Variants in MCUR1 observed in about 807,000 individuals in gnomAD.
The protein encoded by MCUR1 is mitochondrial calcium uniporter regulator 1, also known as MCU regulator 1.
A neutral mutation model predicts 42.0 loss-of-function variants in MCUR1; 37 were observed. That is an observed-to-expected ratio of 0.88 (90% CI 0.68 to 1.16). The LOEUF is 1.16. Among genes scored for constraint, MCUR1 ranks in the 50% most tolerant of loss-of-function variants. The probability of loss-of-function intolerance (pLI) is 0.00; values close to 1 mark genes in which losing one functional copy is unlikely to be tolerated. For synonymous variants in MCUR1, 229 were observed against 196.2 expected, an observed-to-expected ratio of 1.17 and a Z score of -1.40; for missense variants, 469 against 468.4, an observed-to-expected ratio of 1.00 and a Z score of -0.01.
chr6:13,795,123 GAAA>G (rs56398119), intron 6 of MCUR1, among the ~76,000 whole-genome samples: 3 of 102,942 alleles, frequency 2.9e-5, no homozygotes, highest in East Asian at 2.8e-4. Flanking sequence ...CTTAGAAGTA[GAAA>G]AAAAAAAAAG....
chr6:13,813,961 C>T (rs2113486648), intron 1 of MCUR1, 54 bp downstream of exon 1: 3 of 1,224,544 alleles, frequency 2.4e-6, no homozygotes, highest in Non-Finnish European at 3.1e-6. Context: ...GATCCCCGCC[C>T]CGCCGTCCAA....
chr6:13,811,979 C>A (rs1034536204), intron 1 of MCUR1, among the ~76,000 whole-genome samples: 3 of 152,112 alleles, frequency 2.0e-5, no homozygotes, highest in Non-Finnish European at 4.4e-5. Context: ...ATTGGTCACT[C>A]CAACCCCTGA....
At chr6:13,798,743 C>T in intron 6 of MCUR1, 90 bp downstream of exon 6, 1 of 888,940 alleles carries the variant, frequency 1.1e-6, no homozygotes, top group South Asian at 1.6e-5. Flanking sequence ...TTTAACAGTA[C>T]CTATGACATG....
At chr6:13,793,400 G>A (rs1759779431) in intron 7 of MCUR1, among the ~76,000 whole-genome samples, 1 of 152,044 alleles carries the variant, frequency 6.6e-6, no homozygotes. Flanking sequence ...AAGAAAATGT[G>A]GCATATACAT....
In MCUR1 at chr6:13,814,479, G is replaced by A. The variant is rs763939911; in HGVS notation, c.-50C>T. ...CGCGCGCTCATGCCTCTCGCTTTTG[G>A]CGCCGGCCACGCGCGGTCCAGGCCC... On this transcript the variant is annotated 5_prime_UTR_variant, in exon 1 of 9. Coordinates refer to ENST00000379170, the MANE Select transcript of MCUR1 (RefSeq NM_001031713.4). The A allele has an allele frequency of 9.1e-6, 13 of 1,429,714 alleles. No individual in the cohort carries two copies. The highest frequency in any genetic ancestry group is 1.0e-5 in the Non-Finnish European group (11 of 1,100,488). 88.6% of individuals were successfully genotyped at this position (1,429,714 alleles called of 1,614,324 possible). A position where few individuals can be genotyped will look rare whatever the true frequency, so the allele number is the denominator to read the frequency against.
At chr6:13,810,189 C>T (rs918686416) in intron 1 of MCUR1, among the ~76,000 whole-genome samples, 14 of 151,032 alleles carry the variant, frequency 9.3e-5, no homozygotes, top group African/African-American at 2.4e-4. Flanking sequence ...GGTGACACAG[C>T]GAGACTTCAT....
At chr6:13,797,430 C>T (rs778026485) in intron 6 of MCUR1, among the ~76,000 whole-genome samples, 3 of 152,170 alleles carry the variant, frequency 2.0e-5, no homozygotes, top group Non-Finnish European at 4.4e-5. Flanking sequence ...ACACTTAGGC[C>T]GGGCGCGGTG....
At chr6:13,792,341 T>A (rs993447345) in intron 7 of MCUR1, among the ~76,000 whole-genome samples, 1 of 152,360 alleles carries the variant, frequency 6.6e-6, no homozygotes, top group South Asian at 2.1e-4. Context: ...TGTGGTATTA[T>A]GAGGCCAGTC....
At chr6:13,804,560 G>C in intron 2 of MCUR1, among the ~76,000 whole-genome samples, 1 of 151,368 alleles carries the variant, frequency 6.6e-6, no homozygotes, top group East Asian at 1.9e-4. Context: ...GGATCACGAG[G>C]TCAGGAGATC....
intron 4 of MCUR1, among the ~76,000 whole-genome samples, 189 bp from the exon 5 acceptor site, chr6:13,800,571 T>G (rs1158057885): frequency 6.6e-6 from 1 of 152,258 alleles, no homozygotes; most frequent in Non-Finnish European, 1.5e-5. Context: ...GAAGGCTATG[T>G]AAAGTTAACT....
At chr6:13,792,022 G>C (rs558297123) in intron 7 of MCUR1, 30 bp from the exon 8 acceptor site, 1 of 1,549,558 alleles carries the variant, frequency 6.5e-7, no homozygotes, top group Non-Finnish European at 8.9e-7. Flanking sequence ...CACAGCGTTA[G>C]ACCACAGCAC....
chr6:13,803,929 C>G (rs1760049192), intron 2 of MCUR1: 1 of 959,122 alleles, frequency 1.0e-6, no homozygotes. Context: ...CCCAGGAGTT[C>G]AGAACCAGCA....
chr6:13,808,398 C>T (rs1011419452), intron 1 of MCUR1, among the ~76,000 whole-genome samples: 3 of 152,152 alleles, frequency 2.0e-5, no homozygotes, highest in Non-Finnish European at 4.4e-5. Context: ...TAGATACAAG[C>T]TCCTTATCTG....
intron 1 of MCUR1, among the ~76,000 whole-genome samples, chr6:13,810,348 A>G (rs1760206288): frequency 6.6e-6 from 1 of 152,224 alleles, no homozygotes; most frequent in South Asian, 2.1e-4. Flanking sequence ...AAAGAAAAAA[A>G]AAGATGAACA....
In MCUR1 at chr6:13,787,843, T is replaced by A. The variant is rs1051673066; in HGVS notation, c.*2966A>T. On this transcript the variant is annotated 3_prime_UTR_variant, in exon 9 of 9. Transcript: ENST00000379170. ...TAATCTGAATCCTTATAAGCCAGGGTAGCTCAGGAGGTTCTATTTACTTAT... is the reference window on the plus strand; with the variant it reads ...TAATCTGAATCCTTATAAGCCAGGGAAGCTCAGGAGGTTCTATTTACTTAT... 3 of 152,142 alleles carry A rather than the reference T, an allele frequency of 2.0e-5. No homozygotes were observed. Among genetic ancestry groups the A allele is most frequent in the African/African-American group, 7.2e-5 (3 of 41,432 alleles). The allele number at this position is 152,142 out of a possible 1,614,324, so 9.4% of individuals were successfully genotyped here. A position where few individuals can be genotyped will look rare whatever the true frequency, so the allele number is the denominator to read the frequency against.
At chr6:13,798,037 T>C (rs1260486475) in intron 6 of MCUR1, among the ~76,000 whole-genome samples, 1 of 151,308 alleles carries the variant, frequency 6.6e-6, no homozygotes, top group Non-Finnish European at 1.5e-5. Flanking sequence ...AAAACAAAAA[T>C]AGAAAACAAA....
At position 13,814,262 on chromosome 6, in the gene MCUR1, G is replaced by C. The variant is rs1214804004; in HGVS notation, c.168C>G (p.Ala56=). 6.8e-7 allele frequency: 1 copy of C among 1,475,960 alleles called. No individual in the cohort carries two copies. The highest frequency in any genetic ancestry group is 8.9e-7 in the Non-Finnish European group (1 of 1,120,998). The allele number at this position is 1,475,960 out of a possible 1,614,324, so 91.4% of individuals were successfully genotyped here. A position where few individuals can be genotyped will look rare whatever the true frequency, so the allele number is the denominator to read the frequency against. The change falls in exon 1 of 9, where the codon GCC becomes GCG. Residue 56 remains alanine, a synonymous_variant. Coordinates refer to ENST00000379170, the MANE Select transcript of MCUR1 (RefSeq NM_001031713.4). The part of the protein sequence containing the change: ...SDGLGALRPR[A]PAARGGVSRA... ...GTGACACGCCGCCGCGGGCCGCCGGGGCGCGAGGGCGCAGCGCCCCCAGAC... is the reference window on the plus strand; with the variant it reads ...GTGACACGCCGCCGCGGGCCGCCGGCGCGCGAGGGCGCAGCGCCCCCAGAC...
intron 8 of MCUR1, among the ~76,000 whole-genome samples, chr6:13,791,491 A>G (rs1759727302): frequency 6.6e-6 from 1 of 152,204 alleles, no homozygotes; most frequent in Non-Finnish European, 1.5e-5. Flanking sequence ...AAAAATCGCG[A>G]AAGTAAAATA....
In MCUR1 at chr6:13,802,276, G is replaced by A. The variant is rs201676828; in HGVS notation, c.606C>T (p.Ile202=). Residue 202 remains isoleucine, a synonymous_variant, in exon 3 of 9, where the codon ATC becomes ATT. Coordinates refer to ENST00000379170, the MANE Select transcript of MCUR1 (RefSeq NM_001031713.4). ...TCTTGGTGACCATATCTTTGTAGACGATGTCCATGTTGGCCTCCAGGATCT... is the reference window on the plus strand; with the variant it reads ...TCTTGGTGACCATATCTTTGTAGACAATGTCCATGTTGGCCTCCAGGATCT... ...LVKILEANMD[I]VYKDMVTKMQ... is the part of the protein sequence containing the mutation. 26 of 1,613,652 alleles carry A rather than the reference G, an allele frequency of 1.6e-5. No individual in the cohort carries two copies. The highest frequency in any genetic ancestry group is 2.7e-5 in the African/African-American group (2 of 74,890).
Sources: allele counts gnomAD v4.1 joint callset (sites outside exome capture counted in the v4.1 genomes callset), GRCh38; gene constraint gnomAD v4.1.1; transcripts MANE v1.5; gene names NCBI Gene and HGNC (gene_info 2026-07-23, HGNC 2026-07-21).